The following CSMD1 variants were observed in gnomAD, a reference collection of about 807,000 sequenced individuals.
CSMD1 encodes the protein CUB and Sushi multiple domains 1.
CSMD1 carries 213 observed loss-of-function variants against 417.5 expected under a neutral mutation model. The ratio of observed to expected loss-of-function variants is 0.51; its 90% confidence interval spans 0.46 to 0.57. The LOEUF (loss-of-function observed/expected upper bound fraction) is 0.57. Among genes scored for constraint, CSMD1 ranks in the 20% least tolerant of loss-of-function variants. The probability of loss-of-function intolerance (pLI) is 0.00; values close to 1 mark genes in which losing one functional copy is unlikely to be tolerated. For synonymous variants in CSMD1, 2,862 were observed against 1,736.8 expected (o/e 1.65, Z -16.11); for missense variants, 6,923 against 4,529.7 (o/e 1.53, Z -15.17).
At chr8:3,913,401 G>A (rs775359928) in intron 5 of CSMD1, among the ~76,000 whole-genome samples, 2 of 152,114 alleles carry the variant, frequency 1.3e-5, no homozygotes, top group Non-Finnish European at 2.9e-5. Flanking sequence ...CAGACCAGAA[G>A]AAGCAAACCA....
At chr8:4,244,947 CAAAT>C (rs906574305) in intron 3 of CSMD1, among the ~76,000 whole-genome samples, 9 of 152,038 alleles carry the variant, frequency 5.9e-5, no homozygotes, top group Non-Finnish European at 1.0e-4. Context: ...TGCTTGAAAA[CAAAT>C]AAACTTTAAA....
intron 1 of CSMD1, among the ~76,000 whole-genome samples, chr8:4,867,210 T>C (rs1053193377): frequency 2.6e-5 from 4 of 152,108 alleles, no homozygotes; most frequent in African/African-American, 9.7e-5. Flanking sequence ...TCCAATCATT[T>C]GCCAAGCTAA....
rs188633024 is a variant in CSMD1, at chr8:4,032,401, C to T, written c.416-302G>A. On this transcript the variant is annotated intron_variant, in intron 3 of 69. Transcript: ENST00000635120. The stretch of plus-strand genomic sequence containing the variant: ...TGTCTGGATTATATTTTTCTAGTCA[C>T]AAAATTCTACTTACTCCTATAGTGA... 1.7e-3 allele frequency among the ~76,000 whole-genome samples: 258 copies of T among 151,832 alleles called. 1 individual carries two copies. Among genetic ancestry groups the T allele is most frequent in the African/African-American group, 5.9e-3 (244 of 41,452 alleles).
chr8:3,994,904 T>C (rs903712348), intron 5 of CSMD1, among the ~76,000 whole-genome samples: 31 of 152,144 alleles, frequency 2.0e-4, no homozygotes, highest in Non-Finnish European at 1.3e-4. Context: ...TTTTTAAAAA[T>C]AGATTATTGG....
chr8:4,386,534 G>T (rs1803467779), intron 3 of CSMD1, among the ~76,000 whole-genome samples: 1 of 152,232 alleles, frequency 6.6e-6, no homozygotes, highest in African/African-American at 2.4e-5. Flanking sequence ...CTCTAAAGAG[G>T]AACTTAAAGC....
intron 12 of CSMD1, among the ~76,000 whole-genome samples, chr8:3,433,656 C>T (rs556023507): frequency 5.3e-5 from 8 of 152,308 alleles, no homozygotes; most frequent in Non-Finnish European, 1.0e-4. Flanking sequence ...TAGCGCCCAA[C>T]ATTGGTGAGA....
At chr8:2,950,405 C>A in intron 66 of CSMD1, 62 bp from the exon 67 acceptor site, 1 of 948,430 alleles carries the variant, frequency 1.1e-6, no homozygotes, top group Non-Finnish European at 1.7e-6. Context: ...GCCCTTTAAT[C>A]CATTTGATGT....
chr8:4,017,391 C>T (rs532048316), intron 4 of CSMD1, among the ~76,000 whole-genome samples: 18 of 152,268 alleles, frequency 1.2e-4, no homozygotes, highest in Admixed American at 3.3e-4. Context: ...CTACAACCTC[C>T]GCCTCCCGGG....
intron 2 of CSMD1, among the ~76,000 whole-genome samples, chr8:4,456,885 C>A (rs1392835090): frequency 6.6e-6 from 1 of 151,556 alleles, no homozygotes; most frequent in Non-Finnish European, 1.5e-5. Context: ...AAAGGGAGAA[C>A]ACACCCGTAT....
At chr8:3,367,765 T>C (rs1437053173) in intron 19 of CSMD1, among the ~76,000 whole-genome samples, 3 of 152,332 alleles carry the variant, frequency 2.0e-5, no homozygotes, top group South Asian at 2.1e-4. Flanking sequence ...TAGTTATATA[T>C]AGATACAGAT....
chr8:2,977,026 A>G (rs17078951), intron 55 of CSMD1, among the ~76,000 whole-genome samples: 6,207 of 151,998 alleles, frequency 0.041, 430 homozygotes, highest in African/African-American at 0.14. Context: ...TCACAAGCCA[A>G]TTACTATCAG....
intron 1 of CSMD1, among the ~76,000 whole-genome samples, chr8:4,939,849 A>G (rs1248862503): frequency 1.3e-5 from 2 of 152,244 alleles, no homozygotes; most frequent in African/African-American, 4.8e-5. Context: ...ATGGAAGTGA[A>G]TAAGCTCCAC....
At chr8:4,033,859 G>T (rs140793414) in intron 3 of CSMD1, among the ~76,000 whole-genome samples, 4 of 152,036 alleles carry the variant, frequency 2.6e-5, no homozygotes, top group African/African-American at 4.8e-5. Flanking sequence ...GAACTGAAAC[G>T]GTACATCATT....
chr8:3,653,635 C>G (rs1178912705), intron 7 of CSMD1, among the ~76,000 whole-genome samples: 1 of 152,072 alleles, frequency 6.6e-6, no homozygotes, highest in Non-Finnish European at 1.5e-5. Flanking sequence ...AATCATTCCT[C>G]CTTTAGGCCA....
At position 3,108,589 on chromosome 8, in the gene CSMD1, G is replaced by T; in HGVS notation, c.6754+14C>A. The T allele has an allele frequency of 6.2e-7, 1 of 1,613,118 alleles. No individual in the cohort carries two copies. The highest frequency in any genetic ancestry group is 8.5e-7 in the Non-Finnish European group (1 of 1,179,416). On this transcript the variant is annotated intron_variant, in intron 44 of 69. Transcript: ENST00000635120. ...AATTCTCAGTCTTAACTAACGGAGT[G>T]AAAATCAACTGACCGTGGAAATTGA...
chr8:4,309,141 C>T (rs1428018252), intron 3 of CSMD1, among the ~76,000 whole-genome samples: 2 of 152,244 alleles, frequency 1.3e-5, no homozygotes, highest in South Asian at 4.1e-4. Flanking sequence ...TTTGCACACA[C>T]AGGCCAATTC....
chr8:4,542,822 T>C lies in CSMD1; in HGVS notation c.302+94520A>G, dbSNP rs531972368. Among the ~76,000 whole-genome samples, 4 of 152,326 alleles carry C rather than the reference T, an allele frequency of 2.6e-5. No homozygotes were observed. In the East Asian group the frequency reaches 7.7e-4, roughly 29 times the overall value. On this transcript the variant is annotated intron_variant, in intron 2 of 69. Coordinates refer to ENST00000635120, the MANE Select transcript of CSMD1 (RefSeq NM_033225.6). ...CAAGAAATATAACATGATTATATTA[T>C]TAAATATTTGTAAATAAAGAAAAAA...
rs779409058 is a variant in CSMD1 at position 2,965,930 on chromosome 8, G to A, written c.9125C>T (p.Thr3042Ile). Residue 3042 changes from threonine (T) to isoleucine (I), a missense_variant, in exon 59 of 70, where the codon ACA (threonine) becomes ATA (isoleucine). Thr to Ile is a moderately conservative substitution (Grantham distance 89). Transcript: ENST00000635120. ...CTIISCGDPG[T>I]LANGIQFGTD... ...CCCAAACTGGATGCCATTTGCTAGT[G>A]TGCCTGGATCCCCACAACTTATAAC... 4 of 1,608,300 alleles carry A rather than the reference G, an allele frequency of 2.5e-6. No homozygotes were observed. The highest frequency in any genetic ancestry group is 3.4e-6 in the Non-Finnish European group (4 of 1,177,314).
chr8:3,565,778 G>A (rs973099822), intron 10 of CSMD1, among the ~76,000 whole-genome samples: 1 of 151,988 alleles, frequency 6.6e-6, no homozygotes, highest in Non-Finnish European at 1.5e-5. Context: ...ACAAATTGCT[G>A]TGACTAATTA....
Sources: gnomAD v4.1 joint callset for allele counts (sites outside exome capture counted in the v4.1 genomes callset) on GRCh38, gnomAD v4.1.1 for gene constraint, MANE v1.5 for transcripts, NCBI Gene and HGNC (gene_info 2026-07-23, HGNC 2026-07-21) for gene names.